The following LRP1B variants were observed in gnomAD, a reference collection of about 807,000 sequenced individuals.
LRP1B encodes the protein low-density lipoprotein receptor-related protein 1B.
A neutral mutation model predicts 556.6 loss-of-function variants in LRP1B; 217 were observed. The observed-to-expected ratio is 0.39, with a 90% confidence interval of 0.35 to 0.44. The LOEUF is 0.44. Among genes scored for constraint, LRP1B ranks in the 20% least tolerant of loss-of-function variants. LRP1B has a pLI of 1.00. For missense variants in LRP1B, 5,053 were observed against 5,620.8 expected (o/e 0.90, Z 3.23); for synonymous variants, 2,047 against 1,865.8 (o/e 1.10, Z -2.50).
chr2:140,258,386 C>T (rs1681790389), intron 86 of LRP1B, among the ~76,000 whole-genome samples: 2 of 151,928 alleles, frequency 1.3e-5, no homozygotes, highest in Admixed American at 1.3e-4. Flanking sequence ...TGAGGGAGGA[C>T]ACCCTAAATA....
chr2:141,077,261 A>C (rs4954688), intron 7 of LRP1B, among the ~76,000 whole-genome samples: 1 of 121,796 alleles, frequency 8.2e-6, no homozygotes. Context: ...AACAAACAAA[A>C]ACAAAAACAA....
chr2:140,319,614 C>A (rs1329203746), intron 82 of LRP1B, among the ~76,000 whole-genome samples: 1 of 152,026 alleles, frequency 6.6e-6, no homozygotes, highest in East Asian at 1.9e-4. Context: ...CACACTGCGG[C>A]CTTTTGGAGG....
At chr2:142,029,313 G>A (rs563218048) in intron 1 of LRP1B, among the ~76,000 whole-genome samples, 1 of 151,960 alleles carries the variant, frequency 6.6e-6, no homozygotes, top group South Asian at 2.1e-4. Flanking sequence ...AAAAAATAAT[G>A]ACAATACTTA....
At chr2:141,976,908 A>C (rs1574552238) in intron 1 of LRP1B, among the ~76,000 whole-genome samples, 1 of 152,282 alleles carries the variant, frequency 6.6e-6, no homozygotes, top group East Asian at 1.9e-4. Flanking sequence ...TTGAATAGAA[A>C]ATAAAATGGG....
At chr2:140,481,582 TTATTATTA>T (rs1688244410) in intron 59 of LRP1B, among the ~76,000 whole-genome samples, 3 of 97,658 alleles carry the variant, frequency 3.1e-5, no homozygotes, top group Non-Finnish European at 7.2e-5. Flanking sequence ...GCCATCTTTA[TTATTATTA>T]TTATTATTAT....
chr2:140,867,068 G>A (rs1029282922), intron 27 of LRP1B, among the ~76,000 whole-genome samples: 53 of 152,048 alleles, frequency 3.5e-4, no homozygotes, highest in Non-Finnish European at 6.0e-4. Context: ...ATACCTCATG[G>A]TATCCCAGTG....
At chr2:141,761,579 C>G (rs1558858215) in intron 2 of LRP1B, among the ~76,000 whole-genome samples, 1 of 152,040 alleles carries the variant, frequency 6.6e-6, no homozygotes, top group Non-Finnish European at 1.5e-5. Context: ...AATTTAGAGG[C>G]AGCCACCAAT....
intron 2 of LRP1B, among the ~76,000 whole-genome samples, chr2:141,626,585 AC>A (rs753990001): frequency 3.9e-5 from 6 of 152,208 alleles, no homozygotes; most frequent in Non-Finnish European, 8.8e-5. Context: ...TACAAAATAT[AC>A]AAAAAACTCT....
chr2:141,636,005 C>T (rs957434923), intron 2 of LRP1B, among the ~76,000 whole-genome samples: 2 of 152,098 alleles, frequency 1.3e-5, no homozygotes, highest in African/African-American at 2.4e-5. Context: ...CACATTCCTG[C>T]TGATCCTTGT....
intron 62 of LRP1B, among the ~76,000 whole-genome samples, chr2:140,455,746 AAAATCAGCAAACTC>A (rs1687078016): frequency 6.6e-6 from 1 of 152,192 alleles, no homozygotes; most frequent in Non-Finnish European, 1.5e-5. Context: ...TAGTAACTAG[AAAATCAGCAAACTC>A]AAACATAGAA....
At position 140,323,385 on chromosome 2, in the gene LRP1B, T is replaced by A. The variant is rs182592290; in HGVS notation, c.12514+508A>T. Among the ~76,000 whole-genome samples the A allele has an allele frequency of 1.9e-3, 284 of 152,014 alleles. 1 individual carries two copies. Among genetic ancestry groups the A allele is most frequent in the African/African-American group, 6.5e-3 (269 of 41,478 alleles). On this transcript the variant is annotated intron_variant, in intron 81 of 90. Coordinates refer to ENST00000389484, the MANE Select transcript of LRP1B (RefSeq NM_018557.3). The stretch of plus-strand genomic sequence containing the variant: ...TCTTGGGAAGAGTTCTTTTTGTATA[T>A]ATTTAAGAATGATAGTTACTTGTTG...
In LRP1B at chr2:141,583,904, TA is replaced by T. The variant is rs1193699063; in HGVS notation, c.206-103372del. On this transcript the variant is annotated intron_variant, in intron 2 of 90. Transcript: ENST00000389484. Reference sequence around the variant, plus strand: ...ACAGCCATGCACCACCATGCCCGGCTAATTTTTTTTTTTTTAGTAGCGATGG... The same window carrying T: ...ACAGCCATGCACCACCATGCCCGGCTATTTTTTTTTTTTTAGTAGCGATGG... 6.3e-5 allele frequency among the ~76,000 whole-genome samples: 9 copies of T among 142,520 alleles called. No homozygotes were observed. The South Asian group carries it at 7.0e-4, about 11-fold the overall frequency. 93.5% of individuals were successfully genotyped at this position (142,520 alleles called of 152,430 possible). A position where few individuals can be genotyped will look rare whatever the true frequency, so the allele number is the denominator to read the frequency against.
intron 1 of LRP1B, among the ~76,000 whole-genome samples, chr2:141,828,926 G>C (rs917886828): frequency 2.6e-5 from 4 of 151,998 alleles, no homozygotes; most frequent in Non-Finnish European, 4.4e-5. Flanking sequence ...TCAGTTATTT[G>C]CTAATTGTAT....
intron 7 of LRP1B, among the ~76,000 whole-genome samples, chr2:141,136,152 T>C (rs944425992): frequency 3.9e-5 from 6 of 151,910 alleles, no homozygotes; most frequent in African/African-American, 1.4e-4. Flanking sequence ...TATTTAAGTT[T>C]GTACAAAGCT....
intron 1 of LRP1B, among the ~76,000 whole-genome samples, chr2:141,861,297 G>A (rs1033199842): frequency 6.6e-6 from 1 of 152,034 alleles, no homozygotes; most frequent in Non-Finnish European, 1.5e-5. Flanking sequence ...AGACCAATAG[G>A]ACTCTGTCTG....
intron 1 of LRP1B, among the ~76,000 whole-genome samples, chr2:142,106,524 T>G (rs1264367935): frequency 6.6e-6 from 1 of 152,168 alleles, no homozygotes; most frequent in Non-Finnish European, 1.5e-5. Context: ...CAAACCTAAA[T>G]CTTTGGCTTC....
chr2:142,020,421 C>A (rs1703292010), intron 1 of LRP1B, among the ~76,000 whole-genome samples: 1 of 152,160 alleles, frequency 6.6e-6, no homozygotes, highest in Non-Finnish European at 1.5e-5. Flanking sequence ...GCTTATATTT[C>A]TCATGCATTC....
chr2:140,908,214 T>G lies in LRP1B; in HGVS notation c.3320-137A>C, dbSNP rs140243944. The stretch of plus-strand genomic sequence containing the variant: ...AAAACAAAATCTATTTGCTTATTAT[T>G]TGACAGTTTATTTTCATGACAGCAT... On this transcript the variant is annotated intron_variant, in intron 21 of 90. Coordinates refer to ENST00000389484, the MANE Select transcript of LRP1B (RefSeq NM_018557.3). 1.8e-3 allele frequency: 1,205 copies of G among 654,998 alleles called. 14 individuals carry two copies. In the African/African-American group the frequency reaches 0.02, roughly 11 times the overall value. 40.6% of individuals were successfully genotyped at this position (654,998 alleles called of 1,614,324 possible).
chr2:141,640,213 CATG>C (rs1241741264), intron 2 of LRP1B, among the ~76,000 whole-genome samples: 1 of 152,284 alleles, frequency 6.6e-6, no homozygotes, highest in Admixed American at 6.5e-5. Context: ...TGCTACAGAT[CATG>C]ATAATTACTC....
Sources: gnomAD v4.1 joint callset for allele counts (sites outside exome capture counted in the v4.1 genomes callset) on GRCh38, gnomAD v4.1.1 for gene constraint, MANE v1.5 for transcripts, NCBI Gene and HGNC (gene_info 2026-07-23, HGNC 2026-07-21) for gene names.